Variants in TLL1 observed in about 807,000 individuals in gnomAD.
TLL1 encodes the protein tolloid like 1.
In TLL1, 49 loss-of-function variants were observed where a neutral mutation model predicts 128.2. That is an observed-to-expected ratio of 0.38 (90% CI 0.30 to 0.48). The LOEUF is 0.48. Ranked by LOEUF, TLL1 falls within the 20% of genes least tolerant of loss-of-function variation. TLL1 has a pLI of 0.96. For synonymous variants in TLL1, 454 were observed against 418.8 expected, an observed-to-expected ratio of 1.08 and a Z score of -1.03; for missense variants, 1,123 against 1,242.0, an observed-to-expected ratio of 0.90 and a Z score of 1.44.
chr4:165,971,588 G>A (rs764874149), intron 1 of TLL1, among the ~76,000 whole-genome samples: 1 of 152,156 alleles, frequency 6.6e-6, no homozygotes, highest in Non-Finnish European at 1.5e-5. Flanking sequence ...CTGCTTTTCT[G>A]TGAATCAGGA....
At chr4:166,062,699 A>T (rs1740378926) in intron 15 of TLL1, among the ~76,000 whole-genome samples, 1 of 152,134 alleles carries the variant, frequency 6.6e-6, no homozygotes, top group Admixed American at 6.6e-5. Flanking sequence ...TCCTAATTGA[A>T]TACCCTTTAT....
intron 14 of TLL1, among the ~76,000 whole-genome samples, chr4:166,058,284 G>C (rs1056061210): frequency 2.0e-5 from 3 of 151,916 alleles, no homozygotes; most frequent in African/African-American, 7.2e-5. Flanking sequence ...CCATCCATCT[G>C]TCTATCCATC....
intron 1 of TLL1, among the ~76,000 whole-genome samples, chr4:165,975,244 G>A (rs543043293): frequency 2.6e-4 from 40 of 152,194 alleles, no homozygotes; most frequent in African/African-American, 9.4e-4. Context: ...AAATTATTCA[G>A]TCTTGAGGTT....
chr4:165,962,810 C>G (rs1030805482), intron 1 of TLL1, among the ~76,000 whole-genome samples: 1 of 152,020 alleles, frequency 6.6e-6, no homozygotes, highest in Non-Finnish European at 1.5e-5. Context: ...AACACAGGAA[C>G]AGAAAACCAA....
At position 166,011,128 on chromosome 4, in the gene TLL1, T is replaced by G. The variant is rs188111153; in HGVS notation, c.917+3080T>G. 6.6e-5 allele frequency among the ~76,000 whole-genome samples: 10 copies of G among 151,512 alleles called. No individual in the cohort carries two copies. The East Asian group carries it at 1.4e-3, about 21-fold the overall frequency. On this transcript the variant is annotated intron_variant, in intron 7 of 20. Coordinates refer to ENST00000061240, the MANE Select transcript of TLL1 (RefSeq NM_012464.5). ...AATATTTTTTCTTTTTCAAAACTGT[T>G]TTAGCTATTTGGTGTATCTTGAGAT... is the stretch of plus-strand genomic sequence containing the variant.
chr4:166,042,931 C>A (rs1355501402), intron 11 of TLL1, among the ~76,000 whole-genome samples: 2 of 151,960 alleles, frequency 1.3e-5, no homozygotes, highest in African/African-American at 4.8e-5. Flanking sequence ...TACCTGTGGT[C>A]GAAAGACCAA....
At chr4:165,883,619 T>C (rs1216549991) in intron 1 of TLL1, among the ~76,000 whole-genome samples, 1 of 152,224 alleles carries the variant, frequency 6.6e-6, no homozygotes, top group Non-Finnish European at 1.5e-5. Context: ...TATTATTTTA[T>C]CCACAGTAGT....
chr4:166,095,678 T>A (rs2111163385), intron 19 of TLL1, among the ~76,000 whole-genome samples: 1 of 152,224 alleles, frequency 6.6e-6, no homozygotes, highest in South Asian at 2.1e-4. Flanking sequence ...AGGTATCTCC[T>A]GGAGTTTAAT....
At chr4:165,986,854 T>G (rs1440273884) in intron 1 of TLL1, among the ~76,000 whole-genome samples, 1 of 152,106 alleles carries the variant, frequency 6.6e-6, no homozygotes, top group Non-Finnish European at 1.5e-5. Flanking sequence ...TTATTTTATG[T>G]GTACTGCTTT....
intron 15 of TLL1, among the ~76,000 whole-genome samples, chr4:166,063,765 C>G (rs1412619390): frequency 6.6e-6 from 1 of 152,096 alleles, no homozygotes; most frequent in African/African-American, 2.4e-5. Context: ...ACTGCATGCT[C>G]TCATTCATAG....
chr4:165,948,128 A>C (rs1209844732), intron 1 of TLL1, among the ~76,000 whole-genome samples: 1 of 152,042 alleles, frequency 6.6e-6, no homozygotes, highest in Admixed American at 6.6e-5. Context: ...TATTTTGCTG[A>C]CCTGTACGTG....
chr4:165,898,063 T>A (rs532229273), intron 1 of TLL1, among the ~76,000 whole-genome samples: 4 of 152,272 alleles, frequency 2.6e-5, no homozygotes, highest in African/African-American at 9.6e-5. Flanking sequence ...TGCTTGTGAT[T>A]TTTGCACATT....
intron 12 of TLL1, among the ~76,000 whole-genome samples, chr4:166,053,991 GGTTT>G (rs1023150736): frequency 6.6e-6 from 1 of 150,804 alleles, no homozygotes; most frequent in Non-Finnish European, 1.5e-5. Flanking sequence ...TTTTTTTGTT[GGTTT>G]GTTTTCAGAA....
chr4:166,096,780 G>C (rs1047124561), intron 19 of TLL1, among the ~76,000 whole-genome samples: 1 of 152,094 alleles, frequency 6.6e-6, no homozygotes. Context: ...ATCTGTAAAT[G>C]AGATTACAGT....
intron 1 of TLL1, among the ~76,000 whole-genome samples, chr4:165,924,275 G>T (rs1358296479): frequency 2.6e-5 from 4 of 152,174 alleles, no homozygotes. Context: ...GGCTTCTTGG[G>T]CCACAGAGTT....
intron 8 of TLL1, among the ~76,000 whole-genome samples, chr4:166,019,136 A>G (rs1468447557): frequency 6.6e-6 from 1 of 152,190 alleles, no homozygotes; most frequent in Non-Finnish European, 1.5e-5. Context: ...AAAAATAATG[A>G]AATCATGTCC....
At chr4:165,971,522 T>C (rs1213273104) in intron 1 of TLL1, among the ~76,000 whole-genome samples, 2 of 152,148 alleles carry the variant, frequency 1.3e-5, no homozygotes, top group African/African-American at 4.8e-5. Context: ...GATCCCAAAG[T>C]GCCCAGCATT....
At chr4:165,988,059 T>C (rs1736466347) in intron 1 of TLL1, among the ~76,000 whole-genome samples, 1 of 152,160 alleles carries the variant, frequency 6.6e-6, no homozygotes, top group South Asian at 2.1e-4. Context: ...AGTGTTCTAC[T>C]GTCTCATGAT....
chr4:165,993,927 T>A (rs551488058), intron 3 of TLL1, among the ~76,000 whole-genome samples: 30 of 152,152 alleles, frequency 2.0e-4, no homozygotes, highest in Non-Finnish European at 3.8e-4. Context: ...TATTCTTAAT[T>A]TTAGACTGTA....
Sources: gnomAD v4.1 joint callset for allele counts (sites outside exome capture counted in the v4.1 genomes callset) on GRCh38, gnomAD v4.1.1 for gene constraint, MANE v1.5 for transcripts, NCBI Gene and HGNC (gene_info 2026-07-23, HGNC 2026-07-21) for gene names.